Variants in RSPO2 observed in about 807,000 individuals in gnomAD.
The protein encoded by RSPO2 is R-spondin 2, also known as R-spondin-2.
Under a neutral mutation model 30.9 loss-of-function variants are expected in RSPO2, and 14 were observed. That is an observed-to-expected ratio of 0.45 (90% CI 0.30 to 0.71). The LOEUF is 0.71. Among genes scored for constraint, RSPO2 ranks in the 30% least tolerant of loss-of-function variants. The probability of loss-of-function intolerance (pLI) is 0.08; values close to 1 mark genes in which losing one functional copy is unlikely to be tolerated. For synonymous variants in RSPO2, 107 were observed against 96.4 expected (o/e 1.11, Z -0.64); for missense variants, 264 against 301.9 (o/e 0.87, Z 0.93).
intron 5 of RSPO2, among the ~76,000 whole-genome samples, chr8:107,916,421 TAA>T (rs1212725901): frequency 6.6e-6 from 1 of 152,168 alleles, no homozygotes; most frequent in Non-Finnish European, 1.5e-5. Flanking sequence ...AGTACATAAT[TAA>T]AATCACTTAC....
At chr8:107,982,822 C>T (rs1353360075) in intron 3 of RSPO2, among the ~76,000 whole-genome samples, 7 of 152,220 alleles carry the variant, frequency 4.6e-5, no homozygotes, top group Non-Finnish European at 7.3e-5. Context: ...ACATCATCCT[C>T]TCTGCTTTCC....
intron 5 of RSPO2, among the ~76,000 whole-genome samples, chr8:107,913,740 T>C (rs553027191): frequency 6.6e-6 from 1 of 152,036 alleles, no homozygotes; most frequent in Non-Finnish European, 1.5e-5. Context: ...AACAGCCTCA[T>C]ATTTAATGAA....
intron 5 of RSPO2, among the ~76,000 whole-genome samples, chr8:107,905,386 A>G (rs1811604645): frequency 6.6e-6 from 1 of 152,128 alleles, no homozygotes; most frequent in African/African-American, 2.4e-5. Flanking sequence ...TACGTAATAC[A>G]TGGACATACC....
intron 5 of RSPO2, among the ~76,000 whole-genome samples, chr8:107,943,413 G>C (rs187846087): frequency 0.014 from 2,156 of 152,284 alleles, 24 homozygotes; most frequent in South Asian, 0.04. Flanking sequence ...CACCGCCCTT[G>C]CTTGAACTCC....
chr8:107,946,205 G>A (rs1365454948), intron 5 of RSPO2, among the ~76,000 whole-genome samples: 2 of 152,212 alleles, frequency 1.3e-5, no homozygotes, highest in East Asian at 3.8e-4. Flanking sequence ...TGTGAAGCAA[G>A]CATCTGTTAT....
chr8:107,969,335 G>A (rs1813920715), intron 3 of RSPO2, among the ~76,000 whole-genome samples: 2 of 152,038 alleles, frequency 1.3e-5, no homozygotes, highest in South Asian at 2.1e-4. Flanking sequence ...GGACATATAT[G>A]CTGTCAAAAA....
intron 2 of RSPO2, among the ~76,000 whole-genome samples, chr8:108,030,162 G>C (rs1232906610): frequency 6.8e-6 from 1 of 146,224 alleles, no homozygotes; most frequent in Non-Finnish European, 1.5e-5. Flanking sequence ...TATGATGTTA[G>C]CCAGGCCCTC....
intron 2 of RSPO2, among the ~76,000 whole-genome samples, chr8:108,073,480 T>C (rs1400831138): frequency 1.1e-4 from 16 of 152,210 alleles, no homozygotes; most frequent in Admixed American, 1.0e-3. Flanking sequence ...AGGAGCCCAC[T>C]TGGCCAGAAT....
chr8:108,056,218 G>T (rs898889165), intron 2 of RSPO2, among the ~76,000 whole-genome samples: 2 of 152,166 alleles, frequency 1.3e-5, no homozygotes, highest in Non-Finnish European at 2.9e-5. Context: ...CTGCAGCAGA[G>T]AAGTTACCTT....
intron 5 of RSPO2, among the ~76,000 whole-genome samples, chr8:107,946,566 G>A (rs773731105): frequency 3.3e-5 from 5 of 152,194 alleles, no homozygotes; most frequent in Non-Finnish European, 7.3e-5. Context: ...CACAAGGTAG[G>A]CCGAAATTAA....
At chr8:108,004,898 T>C (rs1191893745) in intron 2 of RSPO2, among the ~76,000 whole-genome samples, 1 of 152,216 alleles carries the variant, frequency 6.6e-6, no homozygotes, top group African/African-American at 2.4e-5. Context: ...TAATCCTCAC[T>C]CTATAATTAT....
chr8:108,013,404 A>G (rs978366176), intron 2 of RSPO2, among the ~76,000 whole-genome samples: 4 of 152,212 alleles, frequency 2.6e-5, no homozygotes, highest in Non-Finnish European at 5.9e-5. Context: ...TCTACCATTC[A>G]GTAGAGATTA....
chr8:107,904,358 G>GA (rs57669048), intron 5 of RSPO2, among the ~76,000 whole-genome samples: 33,993 of 139,802 alleles, frequency 0.24, 4,156 homozygotes, highest in Middle Eastern at 0.41. Flanking sequence ...AGGATCATTA[G>GA]AAAAAAAAAA....
intron 2 of RSPO2, among the ~76,000 whole-genome samples, chr8:107,991,234 T>G: frequency 7.2e-6 from 1 of 138,184 alleles, no homozygotes; most frequent in South Asian, 2.4e-4. Context: ...GCAACAGGAG[T>G]GAAACTCCAT....
chr8:108,049,499 C>A (rs1443773814), intron 2 of RSPO2, among the ~76,000 whole-genome samples: 1 of 151,800 alleles, frequency 6.6e-6, no homozygotes, highest in Non-Finnish European at 1.5e-5. Context: ...AACCCATTAT[C>A]TAGGTTTTAA....
At chr8:108,022,546 T>C (rs574541940) in intron 2 of RSPO2, among the ~76,000 whole-genome samples, 3 of 152,320 alleles carry the variant, frequency 2.0e-5, no homozygotes, top group Admixed American at 2.0e-4. Context: ...GTGATGGCTA[T>C]GTAAATCTGC....
chr8:107,903,401 A>G (rs188241661), intron 5 of RSPO2, among the ~76,000 whole-genome samples: 1 of 152,234 alleles, frequency 6.6e-6, no homozygotes, highest in African/African-American at 2.4e-5. Flanking sequence ...TACTACTTTC[A>G]CTAACAGCAA....
At chr8:108,019,653 C>T (rs1381912638) in intron 2 of RSPO2, among the ~76,000 whole-genome samples, 1 of 152,122 alleles carries the variant, frequency 6.6e-6, no homozygotes, top group Non-Finnish European at 1.5e-5. Context: ...ACCACAATTG[C>T]CTCCCTTCTC....
At chr8:107,984,000 G>T in intron 3 of RSPO2, 1 of 713,966 alleles carries the variant, frequency 1.4e-6, no homozygotes, top group Non-Finnish European at 2.4e-6. Flanking sequence ...GGGGAAAAGA[G>T]GAAATAATAC....
Sources: allele counts gnomAD v4.1 joint callset (sites outside exome capture counted in the v4.1 genomes callset), GRCh38; gene constraint gnomAD v4.1.1; transcripts MANE v1.5; gene names NCBI Gene and HGNC (gene_info 2026-07-23, HGNC 2026-07-21).